The following EPHA4 variants were observed in gnomAD, a reference collection of about 807,000 sequenced individuals.
The protein encoded by EPHA4 is ephrin type-A receptor 4.
EPHA4 carries 19 observed loss-of-function variants against 108.3 expected under a neutral mutation model. The observed-to-expected ratio is 0.18, with a 90% CI of 0.12 to 0.26. The LOEUF (loss-of-function observed/expected upper bound fraction) is 0.26. Ranked by LOEUF, EPHA4 falls within the 10% of genes least tolerant of loss-of-function variation. EPHA4 has a pLI of 1.00. For synonymous variants in EPHA4, 449 were observed against 455.5 expected (o/e 0.99, Z 0.18); for missense variants, 917 against 1,254.0 (o/e 0.73, Z 4.06).
chr2:221,441,183 TTTTC>T (rs1690413930), intron 11 of EPHA4, among the ~76,000 whole-genome samples: 1 of 143,934 alleles, frequency 6.9e-6, no homozygotes, highest in Non-Finnish European at 1.5e-5. Flanking sequence ...ATGTCTCATT[TTTTC>T]TTTTCTTTTC....
In EPHA4 at chr2:221,437,083, C is replaced by A. The variant is rs1174899151; in HGVS notation, c.2114G>T (p.Gly705Val). 6 of 1,612,450 alleles carry A rather than the reference C, an allele frequency of 3.7e-6. No homozygotes were observed. Among genetic ancestry groups the A allele is most frequent in the Non-Finnish European group, 5.1e-6 (6 of 1,179,086 alleles). Residue 705 changes from glycine to valine, a missense_variant, in exon 12 of 18, where the codon GGC becomes GTC. Transcript: ENST00000281821. ...VMIITEYMENGSLDAFLRKND... is the reference protein window; with the variant it reads ...VMIITEYMENVSLDAFLRKND... ...TACCCTGAGGAATGCATCCAAGGAG[C>A]CATTCTCCATGTACTCTGTTATGAT...
intron 4 of EPHA4, among the ~76,000 whole-genome samples, chr2:221,498,459 T>C (rs1692368623): frequency 6.6e-6 from 1 of 152,008 alleles, no homozygotes; most frequent in Non-Finnish European, 1.5e-5. Context: ...ATCACACAAA[T>C]GGAACATAGC....
At chr2:221,504,927 T>C (rs994276391) in intron 3 of EPHA4, among the ~76,000 whole-genome samples, 12 of 152,236 alleles carry the variant, frequency 7.9e-5, no homozygotes, top group Non-Finnish European at 1.6e-4. Context: ...GAGTTAGGTC[T>C]GACCTTCAGC....
At chr2:221,436,715 A>G (rs1412868494) in intron 12 of EPHA4, 107 bp from the exon 13 acceptor site, 1 of 1,126,862 alleles carries the variant, frequency 8.9e-7, no homozygotes, top group African/African-American at 1.5e-5. Context: ...CCGGTATGCA[A>G]TGAAACTCAA....
chr2:221,436,291 T>A, intron 13 of EPHA4, 108 bp downstream of exon 13: 4 of 986,940 alleles, frequency 4.1e-6, no homozygotes, highest in Non-Finnish European at 5.9e-6. Context: ...CTTCAAGGGA[T>A]GAGAAAACTT....
At chr2:221,429,234 A>G (rs755180685) in intron 15 of EPHA4, among the ~76,000 whole-genome samples, 6 of 152,224 alleles carry the variant, frequency 3.9e-5, no homozygotes, top group Non-Finnish European at 7.3e-5. Context: ...TTATACCAGT[A>G]AAGTCCATTC....
At chr2:221,508,353 C>A (rs574509777) in intron 3 of EPHA4, among the ~76,000 whole-genome samples, 1 of 152,090 alleles carries the variant, frequency 6.6e-6, no homozygotes, top group African/African-American at 2.4e-5. Flanking sequence ...TCAAGGCAGA[C>A]TGATCACCTG....
upstream of EPHA4, chr2:221,573,861 G>C (rs1180276644): frequency 6.6e-6 from 1 of 152,232 alleles, no homozygotes; most frequent in Non-Finnish European, 1.5e-5. The surrounding 1 kb of genome is among the most constrained non-coding windows in gnomAD (Gnocchi z 4.5). Flanking sequence ...GTGGGGCTGC[G>C]GACAGCGCTC....
chr2:221,559,022 T>C (rs1016848207), intron 3 of EPHA4, among the ~76,000 whole-genome samples: 3 of 149,516 alleles, frequency 2.0e-5, no homozygotes, highest in Non-Finnish European at 2.9e-5. Flanking sequence ...TTCTATAGTA[T>C]AGTTGAAAAA....
intron 3 of EPHA4, among the ~76,000 whole-genome samples, chr2:221,545,169 C>T (rs551568902): frequency 2.0e-5 from 3 of 152,142 alleles, no homozygotes; most frequent in Admixed American, 6.5e-5. Context: ...AAGGTATGGC[C>T]GGGCGCGGTG....
intron 1 of EPHA4, among the ~76,000 whole-genome samples, chr2:221,569,891 A>G (rs1694775388): frequency 6.6e-6 from 1 of 151,892 alleles, no homozygotes; most frequent in Non-Finnish European, 1.5e-5. Context: ...TCTTTCCCCT[A>G]CTTTTCCCGG....
chr2:221,482,810 CA>C, intron 4 of EPHA4, 120 bp from the exon 5 acceptor site: 1 of 831,890 alleles, frequency 1.2e-6, no homozygotes, highest in Non-Finnish European at 1.8e-6. Context: ...GCAAAGAAAG[CA>C]AAAAGCAAAT....
At chr2:221,421,549 C>T (rs1689761758) in intron 17 of EPHA4, among the ~76,000 whole-genome samples, 1 of 152,222 alleles carries the variant, frequency 6.6e-6, no homozygotes, top group Non-Finnish European at 1.5e-5. Flanking sequence ...TAATCAGCCG[C>T]AGGCTGGAAT....
intron 8 of EPHA4, among the ~76,000 whole-genome samples, chr2:221,454,600 T>C (rs996978122): frequency 6.6e-6 from 1 of 152,146 alleles, no homozygotes; most frequent in Non-Finnish European, 1.5e-5. Context: ...AAACAGTTGA[T>C]GGTATATGGG....
rs1404487676 is a variant in EPHA4 at position 221,571,423 on chromosome 2, C to T, written c.91+735G>A. ...AACTGAGCACCCAGACGGGTCCCGT[C>T]GACCCCGCACGTTAGCTCTAAACTG... On this transcript the variant is annotated intron_variant, in intron 1 of 17. Coordinates refer to ENST00000281821, the MANE Select transcript of EPHA4 (RefSeq NM_004438.5). The surrounding 1 kb of genome is among the most constrained non-coding windows in gnomAD (Gnocchi z 6.3). Among the ~76,000 whole-genome samples the T allele has an allele frequency of 1.3e-5, 2 of 151,910 alleles. No homozygotes were observed. The highest frequency in any genetic ancestry group is 6.6e-5 in the Admixed American group (1 of 15,250).
chr2:221,442,057 G>C (rs1379384871), intron 11 of EPHA4, among the ~76,000 whole-genome samples: 1 of 152,160 alleles, frequency 6.6e-6, no homozygotes. Context: ...GAAAAGCCTT[G>C]GCTTTCCAGG....
intron 5 of EPHA4, among the ~76,000 whole-genome samples, chr2:221,477,831 G>A (rs919977593): frequency 6.6e-6 from 1 of 152,010 alleles, no homozygotes; most frequent in Admixed American, 6.6e-5. Flanking sequence ...ATTTTGAAAC[G>A]GAAAAGATCT....
intron 3 of EPHA4, among the ~76,000 whole-genome samples, chr2:221,530,623 C>A (rs745391511): frequency 5.9e-5 from 9 of 152,146 alleles, no homozygotes; most frequent in Non-Finnish European, 8.8e-5. Context: ...AGAGAAACCA[C>A]CCGAAAAAGC....
intron 11 of EPHA4, 56 bp downstream of exon 11, chr2:221,442,773 T>C (rs750442587): frequency 4.5e-6 from 7 of 1,565,820 alleles, no homozygotes; most frequent in Non-Finnish European, 6.1e-6. Flanking sequence ...AGAAAATGTG[T>C]GTTTAATTTC....
Sources: allele counts gnomAD v4.1 joint callset (sites outside exome capture counted in the v4.1 genomes callset), GRCh38; gene constraint gnomAD v4.1.1; non-coding constraint Gnocchi (gnomAD v3.1); transcripts MANE v1.5; gene names NCBI Gene and HGNC (gene_info 2026-07-23, HGNC 2026-07-21).